The following ADCY10 variants were observed in gnomAD, a reference collection of about 807,000 sequenced individuals.
The protein encoded by ADCY10 is adenylate cyclase type 10.
Under a neutral mutation model 183.3 loss-of-function variants are expected in ADCY10, and 156 were observed. The ratio of observed to expected loss-of-function variants is 0.85; its 90% confidence interval spans 0.75 to 0.97. The LOEUF is 0.97. Among genes scored for constraint, ADCY10 ranks in the 50% least tolerant of loss-of-function variants. The pLI is 0.00. For synonymous variants in ADCY10, 645 were observed against 670.0 expected (o/e 0.96, Z 0.58); for missense variants, 1,745 against 1,934.3 (o/e 0.90, Z 1.84).
chr1:167,883,303 G>A, intron 9 of ADCY10, 134 bp downstream of exon 9: 3 of 951,278 alleles, frequency 3.2e-6, no homozygotes, highest in Admixed American at 3.7e-5. Flanking sequence ...CTCCCAAAGA[G>A]CTGGGATTAC....
At chr1:167,909,630 C>T (rs1010933503) in intron 1 of ADCY10, among the ~76,000 whole-genome samples, 2 of 152,170 alleles carry the variant, frequency 1.3e-5, no homozygotes, top group African/African-American at 4.8e-5. Flanking sequence ...GATTCTTCCT[C>T]TTCCAATTGT....
intron 9 of ADCY10, among the ~76,000 whole-genome samples, chr1:167,881,680 A>G (rs1030388510): frequency 6.6e-6 from 1 of 152,232 alleles, no homozygotes; most frequent in Non-Finnish European, 1.5e-5. Flanking sequence ...TACATTATTT[A>G]AAACTTTCCA....
intron 16 of ADCY10, 73 bp downstream of exon 16, chr1:167,859,734 C>T (rs1558197277): frequency 5.8e-6 from 7 of 1,198,956 alleles, no homozygotes; most frequent in Admixed American, 1.7e-5. Context: ...GTCTGAACTC[C>T]TCAAACCACC....
At chr1:167,812,334 A>T (rs1662269934) in intron 31 of ADCY10, among the ~76,000 whole-genome samples, 2 of 152,194 alleles carry the variant, frequency 1.3e-5, no homozygotes, top group Admixed American at 1.3e-4. Flanking sequence ...ACAGCCAGAC[A>T]TTAAATACTA....
At chr1:167,901,855 C>T (rs1377824790) in intron 4 of ADCY10, 50 bp from the exon 5 acceptor site, 5 of 1,613,748 alleles carry the variant, frequency 3.1e-6, no homozygotes, top group African/African-American at 1.3e-5. Context: ...GGGGATCAAT[C>T]TATTTTGTAT....
chr1:167,832,039 T>C (rs1351382648), intron 25 of ADCY10, among the ~76,000 whole-genome samples: 1 of 152,184 alleles, frequency 6.6e-6, no homozygotes, highest in Non-Finnish European at 1.5e-5. Flanking sequence ...CAGGATTCCC[T>C]ACATTTAAAG....
chr1:167,862,365 A>G (rs1187421228), intron 14 of ADCY10, among the ~76,000 whole-genome samples: 2 of 152,204 alleles, frequency 1.3e-5, no homozygotes, highest in Non-Finnish European at 2.9e-5. Context: ...TTGGACACAA[A>G]CAACACACAG....
chr1:167,819,261 T>TC (rs1198248737), intron 30 of ADCY10, among the ~76,000 whole-genome samples: 6 of 148,730 alleles, frequency 4.0e-5, no homozygotes, highest in Non-Finnish European at 8.9e-5. Context: ...TTTTTTTTTT[T>TC]TTTTTTTAGA....
intron 21 of ADCY10, among the ~76,000 whole-genome samples, chr1:167,844,755 A>G (rs1436354781): frequency 6.6e-6 from 1 of 152,132 alleles, no homozygotes; most frequent in Non-Finnish European, 1.5e-5. Flanking sequence ...GGCAGTTTAG[A>G]TACATTTCTT....
chr1:167,906,357 C>A (rs1168257764), intron 1 of ADCY10, among the ~76,000 whole-genome samples: 1 of 149,462 alleles, frequency 6.7e-6, no homozygotes. Flanking sequence ...AAACATATAA[C>A]TAAGGTTTAA....
chr1:167,879,946 A>C (rs1017215874), intron 11 of ADCY10, among the ~76,000 whole-genome samples, 169 bp downstream of exon 11: 8 of 152,202 alleles, frequency 5.3e-5, no homozygotes, highest in African/African-American at 1.9e-4. Context: ...CCAGAAATGC[A>C]CACTCTGCAA....
At chr1:167,902,342 C>T (rs1669491807) in intron 3 of ADCY10, among the ~76,000 whole-genome samples, 1 of 152,110 alleles carries the variant, frequency 6.6e-6, no homozygotes, top group South Asian at 2.1e-4. Flanking sequence ...GACAGCTGCC[C>T]TCCTCCCACG....
chr1:167,828,212 A>G (rs1038968568), intron 26 of ADCY10, among the ~76,000 whole-genome samples: 1 of 152,250 alleles, frequency 6.6e-6, no homozygotes, highest in East Asian at 1.9e-4. Context: ...GTAAATATTC[A>G]GTGGAATACA....
rs1379758719 is a variant in ADCY10, at chr1:167,880,210, G to A, written c.1140-19C>T. The A allele has an allele frequency of 1.9e-6, 3 of 1,595,960 alleles. No individual in the cohort carries two copies. Among genetic ancestry groups the A allele is most frequent in the Non-Finnish European group, 2.6e-6 (3 of 1,165,450 alleles). On this transcript the variant is annotated intron_variant, in intron 10 of 32. Coordinates refer to ENST00000367851, the MANE Select transcript of ADCY10 (RefSeq NM_018417.6). ...TACAGTTCTGGTGCAGGGGAGACAA[G>A]ATTTGTGGGGAAAGAAATAAAGATA...
intron 26 of ADCY10, 99 bp downstream of exon 26, chr1:167,829,168 T>A (rs1273494383): frequency 7.0e-7 from 1 of 1,423,410 alleles, no homozygotes; most frequent in South Asian, 1.2e-5. Flanking sequence ...CCTTCTATTA[T>A]TATATCCTCA....
chr1:167,905,599 T>TAAAA (rs34148403), intron 1 of ADCY10, among the ~76,000 whole-genome samples: 2,807 of 145,838 alleles, frequency 0.019, 80 homozygotes, highest in African/African-American at 0.065. Context: ...TTTCTCTCTT[T>TAAAA]AAAAAAAAAA....
chr1:167,828,011 G>A (rs1446812932), intron 26 of ADCY10, among the ~76,000 whole-genome samples: 1 of 152,152 alleles, frequency 6.6e-6, no homozygotes, highest in Non-Finnish European at 1.5e-5. Context: ...ACCATGCCCC[G>A]CTAATATCCA....
At chr1:167,869,824 C>T (rs569463645) in intron 14 of ADCY10, among the ~76,000 whole-genome samples, 21 of 151,974 alleles carry the variant, frequency 1.4e-4, no homozygotes, top group Admixed American at 2.6e-4. Context: ...GCTAGCCTGC[C>T]GATTCTCCCA....
chr1:167,849,784 G>A (rs1665328737), intron 18 of ADCY10, among the ~76,000 whole-genome samples: 2 of 152,216 alleles, frequency 1.3e-5, no homozygotes, highest in Admixed American at 6.5e-5. Context: ...CTTGATAGGG[G>A]AGGAAGTACT....
Sources: allele counts gnomAD v4.1 joint callset (sites outside exome capture counted in the v4.1 genomes callset), GRCh38; gene constraint gnomAD v4.1.1; transcripts MANE v1.5; gene names NCBI Gene and HGNC (gene_info 2026-07-23, HGNC 2026-07-21).